Variants in CTNND2 observed in about 807,000 individuals in gnomAD.
CTNND2 encodes catenin delta 2, also known as catenin delta-2.
CTNND2 carries 22 observed loss-of-function variants against 144.4 expected under a neutral mutation model. The ratio of observed to expected loss-of-function variants is 0.15; its 90% CI spans 0.11 to 0.22. The LOEUF is 0.22. CTNND2 is among the 10% of genes least tolerant of loss of function. The pLI is 1.00. For missense variants in CTNND2, 1,353 were observed against 1,618.8 expected, an observed-to-expected ratio of 0.84 and a Z score of 2.82; for synonymous variants, 751 against 695.6, an observed-to-expected ratio of 1.08 and a Z score of -1.25.
intron 10 of CTNND2, among the ~76,000 whole-genome samples, chr5:11,209,072 A>G (rs998766158): frequency 6.6e-6 from 1 of 152,220 alleles, no homozygotes; most frequent in African/African-American, 2.4e-5. Context: ...TAATAAGTAT[A>G]AAGAAATGCT....
intron 9 of CTNND2, among the ~76,000 whole-genome samples, chr5:11,262,561 G>C (rs1304329633): frequency 6.6e-6 from 1 of 151,870 alleles, no homozygotes; most frequent in Non-Finnish European, 1.5e-5. Flanking sequence ...AGGAGATCAA[G>C]ACCATCCTGG....
intron 1 of CTNND2, among the ~76,000 whole-genome samples, chr5:11,902,318 C>T (rs1737971829): frequency 6.6e-6 from 1 of 152,142 alleles, no homozygotes; most frequent in Non-Finnish European, 1.5e-5. Flanking sequence ...TGAGGATACT[C>T]GCCCCTATAT....
intron 1 of CTNND2, among the ~76,000 whole-genome samples, chr5:11,875,643 C>G (rs1167152675): frequency 6.6e-6 from 1 of 152,146 alleles, no homozygotes; most frequent in East Asian, 1.9e-4. Flanking sequence ...TGTGAGGGCA[C>G]AGCAAGAAAG....
At chr5:11,192,075 T>C (rs1057134393) in intron 11 of CTNND2, among the ~76,000 whole-genome samples, 2 of 152,214 alleles carry the variant, frequency 1.3e-5, no homozygotes, top group Non-Finnish European at 2.9e-5. Context: ...GGTCAAACCA[T>C]GATGCACCTG....
chr5:11,322,777 G>A (rs1246450158), intron 9 of CTNND2, among the ~76,000 whole-genome samples: 1 of 152,142 alleles, frequency 6.6e-6, no homozygotes, highest in African/African-American at 2.4e-5. Context: ...CCTTCGGCAG[G>A]TAACAAAGCA....
chr5:11,111,860 T>C (rs1024145622), intron 13 of CTNND2, among the ~76,000 whole-genome samples: 1 of 152,018 alleles, frequency 6.6e-6, no homozygotes, highest in African/African-American at 2.4e-5. Flanking sequence ...TTTTTTTTTT[T>C]TTTTGAGACG....
intron 9 of CTNND2, among the ~76,000 whole-genome samples, chr5:11,342,377 G>A (rs943534980): frequency 2.0e-5 from 3 of 152,188 alleles, no homozygotes; most frequent in Admixed American, 2.0e-4. Context: ...GAGTGAGTTT[G>A]ATAGAGCCGA....
intron 16 of CTNND2, among the ~76,000 whole-genome samples, chr5:11,071,480 T>C (rs1287791477): frequency 1.3e-5 from 2 of 151,982 alleles, no homozygotes; most frequent in Non-Finnish European, 2.9e-5. Flanking sequence ...GCTGAGGTTG[T>C]AGTGAGCTGA....
At position 11,280,763 on chromosome 5, in the gene CTNND2, T is replaced by C. The variant is rs555737962; in HGVS notation, c.1629-43940A>G. ...GGCAATCCCTGAGCACTTTCAGTTTTGTCCTGTGGGCCTCTTCCTTCCCCT... is the reference window on the plus strand; with the variant it reads ...GGCAATCCCTGAGCACTTTCAGTTTCGTCCTGTGGGCCTCTTCCTTCCCCT... On this transcript the variant is annotated intron_variant, in intron 9 of 21. Coordinates refer to ENST00000304623, the MANE Select transcript of CTNND2 (RefSeq NM_001332.4). Among the ~76,000 whole-genome samples, 129 of 152,304 alleles carry C rather than the reference T, an allele frequency of 8.5e-4. 1 individual carries two copies. Among genetic ancestry groups the C allele is most frequent in the South Asian group, 1.2e-3 (6 of 4,824 alleles).
chr5:11,005,563 G>A (rs1660980491), intron 18 of CTNND2, among the ~76,000 whole-genome samples: 1 of 152,142 alleles, frequency 6.6e-6, no homozygotes, highest in Non-Finnish European at 1.5e-5. Context: ...ATATCATCAG[G>A]GTTTGTGAAA....
intron 3 of CTNND2, among the ~76,000 whole-genome samples, chr5:11,526,642 A>G (rs1773273655): frequency 6.6e-6 from 1 of 152,202 alleles, no homozygotes; most frequent in Non-Finnish European, 1.5e-5. Flanking sequence ...CTTAATCCTC[A>G]GAATACCCCT....
chr5:11,696,599 G>A (rs1358894956), intron 2 of CTNND2, among the ~76,000 whole-genome samples: 1 of 152,210 alleles, frequency 6.6e-6, no homozygotes, highest in Admixed American at 6.5e-5. Context: ...TTCCATGGGT[G>A]ACATTAATGG....
At chr5:11,151,139 T>C (rs1757724886) in intron 12 of CTNND2, among the ~76,000 whole-genome samples, 1 of 152,214 alleles carries the variant, frequency 6.6e-6, no homozygotes, top group South Asian at 2.1e-4. Context: ...TTTCAAATAA[T>C]GCCACTTTGA....
chr5:11,340,062 C>T (rs530716576), intron 9 of CTNND2, among the ~76,000 whole-genome samples: 1 of 152,226 alleles, frequency 6.6e-6, no homozygotes, highest in African/African-American at 2.4e-5. Flanking sequence ...GCCCAATATC[C>T]CAACTGAGCC....
At chr5:11,772,034 C>A (rs920497883) in intron 1 of CTNND2, among the ~76,000 whole-genome samples, 6 of 152,096 alleles carry the variant, frequency 3.9e-5, no homozygotes, top group African/African-American at 1.4e-4. Flanking sequence ...GAACATTTTC[C>A]CCCATATCTT....
chr5:11,530,015 T>C (rs1773597561), intron 3 of CTNND2, among the ~76,000 whole-genome samples: 1 of 151,186 alleles, frequency 6.6e-6, no homozygotes, highest in East Asian at 1.9e-4. Flanking sequence ...CAGGCAATAT[T>C]GTACCTTGCA....
At chr5:11,129,718 T>A (rs891767316) in intron 12 of CTNND2, among the ~76,000 whole-genome samples, 2 of 152,046 alleles carry the variant, frequency 1.3e-5, no homozygotes, top group African/African-American at 4.8e-5. Context: ...GTCTAGGACA[T>A]GAGTACACTG....
intron 2 of CTNND2, among the ~76,000 whole-genome samples, chr5:11,583,620 T>C (rs773837586): frequency 3.3e-5 from 5 of 152,210 alleles, no homozygotes; most frequent in Non-Finnish European, 5.9e-5. Context: ...TAATGCGATA[T>C]TATGGGTAAA....
chr5:11,894,127 T>C (rs985681973), intron 1 of CTNND2, among the ~76,000 whole-genome samples: 3 of 152,146 alleles, frequency 2.0e-5, no homozygotes, highest in Non-Finnish European at 4.4e-5. Flanking sequence ...TCTCAAAAAA[T>C]GGAAGCCAAC....
Sources: allele counts gnomAD v4.1 joint callset (sites outside exome capture counted in the v4.1 genomes callset), GRCh38; gene constraint gnomAD v4.1.1; transcripts MANE v1.5; gene names NCBI Gene and HGNC (gene_info 2026-07-23, HGNC 2026-07-21).